IGLON5: variants seen among roughly 807,000 people sequenced by gnomAD.
IGLON5 encodes IgLON family member 5.
Under a neutral mutation model 38.2 loss-of-function variants are expected in IGLON5, and 16 were observed. That is an observed-to-expected ratio of 0.42 (90% confidence interval 0.28 to 0.64). IGLON5 has a LOEUF of 0.64. Ranked by LOEUF, IGLON5 falls within the 30% of genes least tolerant of loss-of-function variation. The probability of loss-of-function intolerance (pLI) is 0.23; values close to 1 mark genes in which losing one functional copy is unlikely to be tolerated. For synonymous variants in IGLON5, 207 were observed against 216.4 expected (o/e 0.96, Z 0.38); for missense variants, 366 against 483.4 (o/e 0.76, Z 2.28).
rs1568460025 is a variant in IGLON5, at chr19:51,327,929, CGGGGGCGGGGCT to C, written c.922+44_922+55del. The C allele has an allele frequency of 3.2e-6, 3 of 940,540 alleles. No individual in the cohort carries two copies. Among genetic ancestry groups the C allele is most frequent in the South Asian group, 3.8e-5 (2 of 53,018 alleles). The allele number at this position is 940,540 out of a possible 1,614,324, so 58.3% of individuals were successfully genotyped here. On this transcript the variant is annotated intron_variant, in intron 7 of 7. Coordinates refer to ENST00000270642, the MANE Select transcript of IGLON5 (RefSeq NM_001101372.3). The surrounding 1 kb of genome is among the most constrained non-coding windows in gnomAD (Gnocchi z 7.1). Reference sequence around the variant, plus strand: ...GCGGGGCCGGGAAGGTGGGCGGGGCCGGGGGCGGGGCTAGGGAAGTGGAGACGCCGGGACCGC... The same window carrying C: ...GCGGGGCCGGGAAGGTGGGCGGGGCCAGGGAAGTGGAGACGCCGGGACCGC...
intron 2 of IGLON5, 28 bp from the exon 3 acceptor site, chr19:51,323,634 A>C: frequency 4.4e-6 from 7 of 1,578,794 alleles, no homozygotes; most frequent in Non-Finnish European, 6.1e-6. Context: ...TGGGTGGAGA[A>C]AAACCTTCCC....
intron 1 of IGLON5, among the ~76,000 whole-genome samples, chr19:51,321,504 C>T (rs1228675754): frequency 6.6e-6 from 1 of 151,964 alleles, no homozygotes; most frequent in African/African-American, 2.4e-5. Context: ...TTAATCTGCT[C>T]ATATTGGTAT....
chr19:51,313,637 C>T (rs1467462502), intron 1 of IGLON5, among the ~76,000 whole-genome samples: 4 of 110,190 alleles, frequency 3.6e-5, no homozygotes, highest in East Asian at 4.5e-4. Context: ...CTTTTTCTCT[C>T]TCTCTCTCTT....
In IGLON5 at chr19:51,325,513, C is replaced by T. The variant is rs768381522; in HGVS notation, c.511+48C>T. On this transcript the variant is annotated intron_variant, in intron 4 of 7. Coordinates refer to ENST00000270642, the MANE Select transcript of IGLON5 (RefSeq NM_001101372.3). The surrounding 1 kb of genome is among the most constrained non-coding windows in gnomAD (Gnocchi z 5.5). Reference sequence around the variant, plus strand: ...AAAGCCCCGTCCCCCACTGCGCAGTCTGGGCCCCTCCATTCCCCATATCCC... The same window carrying T: ...AAAGCCCCGTCCCCCACTGCGCAGTTTGGGCCCCTCCATTCCCCATATCCC... The T allele has an allele frequency of 6.5e-7, 1 of 1,542,014 alleles. No homozygotes were observed. Among genetic ancestry groups the T allele is most frequent in the Non-Finnish European group, 8.7e-7 (1 of 1,143,044 alleles).
At chr19:51,318,952 G>A (rs1350032907) in intron 1 of IGLON5, among the ~76,000 whole-genome samples, 4 of 152,186 alleles carry the variant, frequency 2.6e-5, no homozygotes, top group Non-Finnish European at 5.9e-5. Flanking sequence ...GTGTGATTTT[G>A]CCCCTTACGG....
At chr19:51,314,318 G>A (rs538672532) in intron 1 of IGLON5, among the ~76,000 whole-genome samples, 15 of 151,904 alleles carry the variant, frequency 9.9e-5, no homozygotes, top group Non-Finnish European at 2.2e-4. Context: ...CAAGTAGCTG[G>A]GACTACAGGT....
intron 1 of IGLON5, among the ~76,000 whole-genome samples, chr19:51,317,083 C>G (rs1984943819): frequency 6.6e-6 from 1 of 152,144 alleles, no homozygotes; most frequent in Admixed American, 6.5e-5. Flanking sequence ...ATTCTCACCC[C>G]CAGCCCAAGG....
chr19:51,327,014 G>C lies in IGLON5; in HGVS notation c.647-66G>C. 6.3e-7 allele frequency: 1 copy of C among 1,596,170 alleles called. No individual in the cohort carries two copies. The highest frequency in any genetic ancestry group is 1.3e-5 in the African/African-American group (1 of 74,448). ...ACTTACGGGCCTGAGGGAGGCGGGG[G>C]CTGGGGGCGGGACCCCTTCGTCCCC... is the stretch of plus-strand genomic sequence containing the variant. On this transcript the variant is annotated intron_variant, in intron 5 of 7. Coordinates refer to ENST00000270642, the MANE Select transcript of IGLON5 (RefSeq NM_001101372.3). The surrounding 1 kb of genome is among the most constrained non-coding windows in gnomAD (Gnocchi z 7.1).
chr19:51,317,461 G>C (rs1984949787), intron 1 of IGLON5, among the ~76,000 whole-genome samples: 1 of 152,208 alleles, frequency 6.6e-6, no homozygotes, highest in African/African-American at 2.4e-5. Flanking sequence ...GAAGTAACTT[G>C]TGTGGCTCAG....
At position 51,329,827 on chromosome 19, in the gene IGLON5, G is replaced by GACAC. The variant is rs60928654; in HGVS notation, c.*1093_*1096dup. The GACAC allele has an allele frequency of 0.05, 7,423 of 147,126 alleles. 257 individuals are homozygous for GACAC. Among genetic ancestry groups the GACAC allele is most frequent in the Non-Finnish European group, 0.079 (5,193 of 66,070 alleles). 9.1% of individuals were successfully genotyped at this position (147,126 alleles called of 1,614,324 possible). A position where few individuals can be genotyped will look rare whatever the true frequency, so the allele number is the denominator to read the frequency against. On this transcript the variant is annotated 3_prime_UTR_variant, in exon 8 of 8. Transcript: ENST00000270642. The surrounding 1 kb of genome is among the most constrained non-coding windows in gnomAD (Gnocchi z 4.3). ...CACCACACACACATACACACACACA[G>GACAC]ACACACACACACACACACACACACA...
At chr19:51,320,369 G>A (rs888235436) in intron 1 of IGLON5, among the ~76,000 whole-genome samples, 20 of 152,280 alleles carry the variant, frequency 1.3e-4, no homozygotes, top group African/African-American at 4.1e-4. Context: ...TTAGCTCTTC[G>A]TCTGGGCTGG....
rs1471167418 is a variant in IGLON5 at position 51,329,955 on chromosome 19, C to T, written c.*1196C>T. The T allele has an allele frequency of 6.6e-6, 1 of 152,192 alleles. No individual in the cohort carries two copies. Among genetic ancestry groups the T allele is most frequent in the Non-Finnish European group, 1.5e-5 (1 of 68,048 alleles). The allele number at this position is 152,192 out of a possible 1,614,324, so 9.4% of individuals were successfully genotyped here. A position where few individuals can be genotyped will look rare whatever the true frequency, so the allele number is the denominator to read the frequency against. On this transcript the variant is annotated 3_prime_UTR_variant, in exon 8 of 8. Coordinates refer to ENST00000270642, the MANE Select transcript of IGLON5 (RefSeq NM_001101372.3). This position sits in a 1 kb window ranked among gnomAD's most constrained non-coding sequence, Gnocchi z 4.3. ...GTAGGCATCTGGTGTCAGGAAGGGACGCTGAGAGGCCGCAGCCTCAGCTCT... is the reference window on the plus strand; with the variant it reads ...GTAGGCATCTGGTGTCAGGAAGGGATGCTGAGAGGCCGCAGCCTCAGCTCT...
chr19:51,324,684 G>T lies in IGLON5; in HGVS notation c.392-662G>T, dbSNP rs534046892. 1.3e-5 allele frequency among the ~76,000 whole-genome samples: 2 copies of T among 152,010 alleles called. No homozygotes were observed. Among genetic ancestry groups the T allele is most frequent in the Non-Finnish European group, 2.9e-5 (2 of 68,006 alleles). On this transcript the variant is annotated intron_variant, in intron 3 of 7. Transcript: ENST00000270642. The surrounding 1 kb of genome is among the most constrained non-coding windows in gnomAD (Gnocchi z 4.2). ...AAATCCCAGACGTCGTCAATTAGAA[G>T]AGCTACTTTTATTTTATGCCCTACT... is the stretch of plus-strand genomic sequence containing the variant.
chr19:51,320,153 C>G (rs1220584210), intron 1 of IGLON5, among the ~76,000 whole-genome samples: 1 of 152,126 alleles, frequency 6.6e-6, no homozygotes, highest in Non-Finnish European at 1.5e-5. Flanking sequence ...GGAGGGTGAG[C>G]CCCCTCTCTC....
chr19:51,321,892 G>A (rs1335030692), intron 1 of IGLON5, among the ~76,000 whole-genome samples, 172 bp from the exon 2 acceptor site: 1 of 152,252 alleles, frequency 6.6e-6, no homozygotes, highest in Non-Finnish European at 1.5e-5. Context: ...GCGGGTGCAG[G>A]AGACGTCTGT....
chr19:51,319,725 C>A (rs1985008442), intron 1 of IGLON5, among the ~76,000 whole-genome samples: 1 of 152,124 alleles, frequency 6.6e-6, no homozygotes, highest in African/African-American at 2.4e-5. Context: ...GGGACAGATC[C>A]TCCTTTCCAG....
At chr19:51,312,998 T>G (rs906393198) in intron 1 of IGLON5, among the ~76,000 whole-genome samples, 1 of 152,138 alleles carries the variant, frequency 6.6e-6, no homozygotes, top group African/African-American at 2.4e-5. Context: ...GGCCCTCCCC[T>G]GAACAAAGAG....
Position 51,325,550 on chromosome 19 carries a change from C to T in IGLON5, c.511+85C>T. 2 of 1,397,572 alleles carry T rather than the reference C, an allele frequency of 1.4e-6. No homozygotes were observed. The highest frequency in any genetic ancestry group is 1.9e-6 in the Non-Finnish European group (2 of 1,048,252). 86.6% of individuals were successfully genotyped at this position (1,397,572 alleles called of 1,614,324 possible). On this transcript the variant is annotated intron_variant, in intron 4 of 7. Transcript: ENST00000270642. This position sits in a 1 kb window ranked among gnomAD's most constrained non-coding sequence, Gnocchi z 5.5. ...ATTCCCCATATCCCTAGCTAGTTTC[C>T]CCAGCCCCCTTCTCCCTGGCCCCTT... is the stretch of plus-strand genomic sequence containing the variant.
chr19:51,323,600 C>T (rs145319303), intron 2 of IGLON5, 62 bp from the exon 3 acceptor site: 62,966 of 1,429,862 alleles, frequency 0.044, 1,600 homozygotes, highest in South Asian at 0.057. Context: ...CCCACCCCCT[C>T]GGTGGGGGAA....
Sources: gnomAD v4.1 joint callset for allele counts (sites outside exome capture counted in the v4.1 genomes callset) on GRCh38, gnomAD v4.1.1 for gene constraint, Gnocchi (gnomAD v3.1) non-coding constraint, MANE v1.5 for transcripts, NCBI Gene and HGNC (gene_info 2026-07-23, HGNC 2026-07-21) for gene names.